LBR: variants seen among roughly 807,000 people sequenced by gnomAD.
LBR encodes the protein delta(14)-sterol reductase LBR.
Under a neutral mutation model 74.3 loss-of-function variants are expected in LBR, and 28 were observed. The ratio of observed to expected loss-of-function variants is 0.38; its 90% CI spans 0.28 to 0.52. The LOEUF (loss-of-function observed/expected upper bound fraction) is 0.52. Among genes scored for constraint, LBR ranks in the 20% least tolerant of loss-of-function variants. The pLI is 0.89. For synonymous variants in LBR, 228 were observed against 269.3 expected, an observed-to-expected ratio of 0.85 and a Z score of 1.50; for missense variants, 717 against 760.3, an observed-to-expected ratio of 0.94 and a Z score of 0.67.
At chr1:225,410,242 C>A (rs1357976954) in intron 10 of LBR, 49 bp downstream of exon 10, 5 of 1,611,290 alleles carry the variant, frequency 3.1e-6, no homozygotes, top group Non-Finnish European at 4.2e-6. Flanking sequence ...GGTCACTCAC[C>A]CACTCAAAGC....
chr1:225,417,280 T>G (rs1017469930), intron 6 of LBR, among the ~76,000 whole-genome samples: 1 of 152,192 alleles, frequency 6.6e-6, no homozygotes, highest in Non-Finnish European at 1.5e-5. Flanking sequence ...TTACAGACAG[T>G]TGGCAAACTT....
chr1:225,415,337 A>G lies in LBR; in HGVS notation c.838-5T>C, dbSNP rs777146629. 6.4e-7 allele frequency: 1 copy of G among 1,557,214 alleles called. No homozygotes were observed. The highest frequency in any genetic ancestry group is 2.3e-5 in the East Asian group (1 of 44,438). On this transcript the variant is annotated splice_region_variant and splice_polypyrimidine_tract_variant and intron_variant, in intron 6 of 13. Transcript: ENST00000272163. ...AAGAGGCGTTCCTTCTACAACCTTA[A>G]AAGAAAAAAAATTTACAAATTTACT...
intron 5 of LBR, 60 bp downstream of exon 5, chr1:225,419,203 T>G (rs2096122915): frequency 2.0e-6 from 3 of 1,531,288 alleles, no homozygotes; most frequent in Middle Eastern, 3.5e-4. Context: ...CAGTTCACCT[T>G]GTGGCAACCA....
intron 10 of LBR, among the ~76,000 whole-genome samples, chr1:225,407,500 T>C (rs1330688988): frequency 6.6e-6 from 1 of 152,224 alleles, no homozygotes; most frequent in Non-Finnish European, 1.5e-5. Flanking sequence ...GCTTCGCTTC[T>C]CATGTAAATT....
chr1:225,428,644 C>G (rs2096146125), upstream of LBR: 1 of 152,140 alleles, frequency 6.6e-6, no homozygotes. Context: ...CGAACCCGGA[C>G]CGATGCTGGG....
intron 2 of LBR, among the ~76,000 whole-genome samples, chr1:225,423,464 T>G (rs1417522): frequency 0.69 from 104,153 of 150,492 alleles, 36,361 homozygotes; most frequent in East Asian, 0.83. Context: ...CTTCCAGCAC[T>G]TGGCTGACTG....
In LBR at chr1:225,423,960, A is replaced by C; in HGVS notation, c.116T>G (p.Val39Gly). ...SHDSTSQLYTVKYKDGTELEL... is the reference protein window; with the variant it reads ...SHDSTSQLYTGKYKDGTELEL... ...AAGCTCTGTTCCATCTTTATACTTC[A>C]CAGTGTAAAGCTGGGAGGTGCTGTC... Residue 39 changes from valine (V) to glycine (G), a missense_variant, in exon 2 of 14, where the codon GTG becomes GGG. Val to Gly is a moderately radical substitution (Grantham distance 109). Transcript: ENST00000272163. The C allele has an allele frequency of 6.2e-7, 1 of 1,613,836 alleles. No individual in the cohort carries two copies. Among genetic ancestry groups the C allele is most frequent in the South Asian group, 1.1e-5 (1 of 91,078 alleles).
At chr1:225,428,273 G>T (rs922009596), upstream of LBR, among the ~76,000 whole-genome samples, 1 of 152,100 alleles carries the variant, frequency 6.6e-6, no homozygotes, top group Non-Finnish European at 1.5e-5. Context: ...GGTGAGCGGG[G>T]GAAACCGAGT....
chr1:225,427,775 A>C (rs1016307386), intron 1 of LBR, 179 bp downstream of exon 1: 1 of 152,460 alleles, frequency 6.6e-6, no homozygotes, highest in African/African-American at 2.4e-5. Context: ...CTGGGCCAGA[A>C]AAGGCGAGGA....
chr1:225,410,419 G>A lies in LBR; in HGVS notation c.1189-3C>T, dbSNP rs766367820. On this transcript the variant is annotated splice_region_variant and splice_polypyrimidine_tract_variant and intron_variant, in intron 9 of 13. Transcript: ENST00000272163. ...AGCATCACCAAGTTAATAACCACCT[G>A]AAACAAAAGGGGAAAGTATATAGCC... is the stretch of plus-strand genomic sequence containing the variant. 6.2e-7 allele frequency: 1 copy of A among 1,613,996 alleles called. No homozygotes were observed. Among genetic ancestry groups the A allele is most frequent in the South Asian group, 1.1e-5 (1 of 91,070 alleles).
At chr1:225,407,559 G>A (rs1036377233) in intron 10 of LBR, among the ~76,000 whole-genome samples, 1 of 152,082 alleles carries the variant, frequency 6.6e-6, no homozygotes, top group African/African-American at 2.4e-5. Context: ...GAGCCAGATC[G>A]CCTCTGGCCC....
At chr1:225,422,632 AC>A (rs1354371140) in intron 2 of LBR, among the ~76,000 whole-genome samples, 7 of 151,512 alleles carry the variant, frequency 4.6e-5, no homozygotes, top group Non-Finnish European at 8.8e-5. Flanking sequence ...AAGCACACAG[AC>A]CAAAAAAAAA....
At chr1:225,414,113 A>G (rs1468469777) in intron 7 of LBR, 2 of 456,666 alleles carry the variant, frequency 4.4e-6, no homozygotes, top group African/African-American at 2.0e-5. Flanking sequence ...TTGCTCCATC[A>G]GCAAAGAATT....
chr1:225,418,305 G>A (rs1313069999), intron 5 of LBR, 125 bp from the exon 6 acceptor site: 1 of 1,029,450 alleles, frequency 9.7e-7, no homozygotes, highest in African/African-American at 1.6e-5. Flanking sequence ...AATTTCTAAT[G>A]TACCATCAAA....
chr1:225,414,959 G>A (rs1002201927), intron 7 of LBR, among the ~76,000 whole-genome samples: 1 of 152,224 alleles, frequency 6.6e-6, no homozygotes, highest in Admixed American at 6.5e-5. Context: ...AGCAGCTCAC[G>A]CAGCAGGAGT....
At chr1:225,418,894 C>T (rs1043169060) in intron 5 of LBR, among the ~76,000 whole-genome samples, 1 of 152,186 alleles carries the variant, frequency 6.6e-6, no homozygotes, top group African/African-American at 2.4e-5. Flanking sequence ...TGGCCCCTGC[C>T]GCCTCAGGTC....
chr1:225,414,309 C>T (rs997801883), intron 7 of LBR: 10 of 346,724 alleles, frequency 2.9e-5, no homozygotes, highest in South Asian at 1.3e-4. Flanking sequence ...GTAGATGCTG[C>T]GTAAGTCTCT....
chr1:225,419,518 C>G (rs1481542610), intron 4 of LBR, 66 bp from the exon 5 acceptor site: 13 of 1,146,386 alleles, frequency 1.1e-5, no homozygotes, highest in East Asian at 2.4e-5. Context: ...ACTGCATTAA[C>G]TATTTCAGCA....
chr1:225,416,493 T>A (rs911200505), intron 6 of LBR, among the ~76,000 whole-genome samples: 2 of 152,244 alleles, frequency 1.3e-5, no homozygotes, highest in African/African-American at 2.4e-5. Flanking sequence ...ACAGATTTCA[T>A]TAGCTAGCAT....
Sources: allele counts gnomAD v4.1 joint callset (sites outside exome capture counted in the v4.1 genomes callset), GRCh38; gene constraint gnomAD v4.1.1; transcripts MANE v1.5; gene names NCBI Gene and HGNC (gene_info 2026-07-23, HGNC 2026-07-21).